GPM6A: variants seen among roughly 807,000 people sequenced by gnomAD.
The protein encoded by GPM6A is glycoprotein M6A.
In GPM6A, 7 loss-of-function variants were observed where a neutral mutation model predicts 32.1. That is an observed-to-expected ratio of 0.22 (90% CI 0.12 to 0.41). The LOEUF is 0.41. Among genes scored for constraint, GPM6A ranks in the 10% least tolerant of loss-of-function variants. GPM6A has a pLI of 1.00. For synonymous variants in GPM6A, 130 were observed against 123.4 expected, an observed-to-expected ratio of 1.05 and a Z score of -0.35; for missense variants, 235 against 347.2, an observed-to-expected ratio of 0.68 and a Z score of 2.57.
intron 1 of GPM6A, among the ~76,000 whole-genome samples, chr4:175,796,551 T>C (rs1035044296): frequency 1.3e-5 from 2 of 152,180 alleles, no homozygotes; most frequent in Non-Finnish European, 2.9e-5. Context: ...TATGTTTGAA[T>C]GCTTCTGTTT....
At chr4:175,718,554 T>C (rs1362358126) in intron 1 of GPM6A, among the ~76,000 whole-genome samples, 2 of 152,120 alleles carry the variant, frequency 1.3e-5, no homozygotes, top group Non-Finnish European at 2.9e-5. Flanking sequence ...AGACGGCGGT[T>C]GCAGTGAGCC....
chr4:175,764,382 A>G (rs1382824843), intron 1 of GPM6A, among the ~76,000 whole-genome samples: 1 of 152,172 alleles, frequency 6.6e-6, no homozygotes, highest in African/African-American at 2.4e-5. Flanking sequence ...ATTCCATTGT[A>G]TGGATATACC....
intron 1 of GPM6A, among the ~76,000 whole-genome samples, chr4:175,985,674 A>T (rs1171815393): frequency 1.3e-5 from 2 of 152,204 alleles, no homozygotes; most frequent in Non-Finnish European, 2.9e-5. Flanking sequence ...TCACCATTAA[A>T]TATAATGTTA....
chr4:175,923,716 G>T (rs1738744579), intron 1 of GPM6A, among the ~76,000 whole-genome samples: 1 of 151,890 alleles, frequency 6.6e-6, no homozygotes, highest in Non-Finnish European at 1.5e-5. Flanking sequence ...ACCATGCCCA[G>T]CTAATTTTTG....
At chr4:175,843,747 C>T (rs1736008286) in intron 1 of GPM6A, among the ~76,000 whole-genome samples, 2 of 152,164 alleles carry the variant, frequency 1.3e-5, no homozygotes, top group Non-Finnish European at 2.9e-5. Flanking sequence ...TATGTAGCCA[C>T]TTCTTGAGAT....
intron 1 of GPM6A, among the ~76,000 whole-genome samples, chr4:175,788,900 T>C (rs1041714696): frequency 1.3e-5 from 2 of 152,128 alleles, no homozygotes; most frequent in African/African-American, 4.8e-5. Flanking sequence ...CATAGCTCCA[T>C]ACAAGGAATT....
intron 1 of GPM6A, among the ~76,000 whole-genome samples, chr4:175,873,521 G>C (rs1736981255): frequency 6.6e-6 from 1 of 151,940 alleles, no homozygotes; most frequent in Admixed American, 6.6e-5. Context: ...AAAAAACATA[G>C]CCAAACTATA....
intron 1 of GPM6A, chr4:175,787,301 G>T: frequency 8.0e-7 from 1 of 1,244,284 alleles, no homozygotes; most frequent in Non-Finnish European, 1.1e-6. Flanking sequence ...TAGTTTCACT[G>T]ATAATACTCC....
At chr4:175,723,813 T>C (rs1272768054) in intron 1 of GPM6A, among the ~76,000 whole-genome samples, 2 of 152,172 alleles carry the variant, frequency 1.3e-5, no homozygotes, top group Non-Finnish European at 2.9e-5. Flanking sequence ...CATCAGTTGA[T>C]ACATTAACCC....
intron 2 of GPM6A, among the ~76,000 whole-genome samples, chr4:175,693,255 A>T (rs907715642): frequency 6.7e-6 from 1 of 149,204 alleles, no homozygotes; most frequent in Non-Finnish European, 1.5e-5. Context: ...GATTAGCCTA[A>T]ATATATATAT....
intron 1 of GPM6A, among the ~76,000 whole-genome samples, chr4:175,828,164 T>C (rs1735494855): frequency 6.6e-6 from 1 of 152,198 alleles, no homozygotes; most frequent in Non-Finnish European, 1.5e-5. Flanking sequence ...TGGCAATTCC[T>C]AGGTCAGTTC....
upstream of GPM6A, among the ~76,000 whole-genome samples, chr4:175,814,767 C>T (rs557864336): frequency 2.6e-5 from 4 of 152,318 alleles, no homozygotes; most frequent in Non-Finnish European, 5.9e-5. Context: ...AGCCTCCTCA[C>T]AGCAATCACC....
rs1412627080 is a variant in GPM6A at position 175,633,889 on chromosome 4, C to G, written c.*1016G>C. The stretch of plus-strand genomic sequence containing the variant: ...AGCAAAGCTATTATATTAATGGAAG[C>G]CTTTTCAAATATATCATACACATTT... On this transcript the variant is annotated 3_prime_UTR_variant, in exon 7 of 7. Transcript: ENST00000393658. The G allele has an allele frequency of 6.6e-6, 1 of 152,398 alleles. No individual in the cohort carries two copies. The highest frequency in any genetic ancestry group is 1.5e-5 in the Non-Finnish European group (1 of 67,940). 9.4% of individuals were successfully genotyped at this position (152,398 alleles called of 1,614,324 possible). A position where few individuals can be genotyped will look rare whatever the true frequency, so the allele number is the denominator to read the frequency against.
At chr4:175,989,331 C>A (rs920460350) in intron 1 of GPM6A, among the ~76,000 whole-genome samples, 1 of 151,922 alleles carries the variant, frequency 6.6e-6, no homozygotes, top group Non-Finnish European at 1.5e-5. Context: ...AAACATTCAT[C>A]GTTTGAGCTT....
chr4:175,675,653 A>AT (rs1743321158), intron 2 of GPM6A, among the ~76,000 whole-genome samples: 1 of 151,674 alleles, frequency 6.6e-6, no homozygotes, highest in Non-Finnish European at 1.5e-5. Context: ...TTATTTATTT[A>AT]TTTATTTATT....
At chr4:175,644,634 T>C (rs1008841178) in intron 4 of GPM6A, among the ~76,000 whole-genome samples, 1 of 152,096 alleles carries the variant, frequency 6.6e-6, no homozygotes, top group Non-Finnish European at 1.5e-5. Context: ...TTGATTCTCA[T>C]ATATCTGTCT....
At chr4:175,898,617 T>C (rs1003441600) in intron 1 of GPM6A, among the ~76,000 whole-genome samples, 8 of 152,120 alleles carry the variant, frequency 5.3e-5, no homozygotes, top group Non-Finnish European at 1.0e-4. Flanking sequence ...CTCTCAAACA[T>C]TCTGAGAACC....
chr4:175,694,384 T>G (rs565303809), intron 2 of GPM6A, among the ~76,000 whole-genome samples: 69 of 152,282 alleles, frequency 4.5e-4, no homozygotes, highest in African/African-American at 1.6e-3. Flanking sequence ...AAAATGCTGA[T>G]AGTGATTATG....
chr4:175,820,971 G>A (rs1735261271), intron 1 of GPM6A, among the ~76,000 whole-genome samples: 1 of 152,088 alleles, frequency 6.6e-6, no homozygotes. Flanking sequence ...TATGTTTAGT[G>A]CATACATTTA....
Sources: gnomAD v4.1 joint callset for allele counts (sites outside exome capture counted in the v4.1 genomes callset) on GRCh38, gnomAD v4.1.1 for gene constraint, MANE v1.5 for transcripts, NCBI Gene and HGNC (gene_info 2026-07-23, HGNC 2026-07-21) for gene names.